The following LUZP2 variants were observed in gnomAD, a reference collection of about 807,000 sequenced individuals.
LUZP2 encodes leucine zipper protein 2.
A neutral mutation model predicts 51.6 loss-of-function variants in LUZP2; 52 were observed. The observed-to-expected ratio is 1.01, with a 90% CI of 0.81 to 1.27. The LOEUF (loss-of-function observed/expected upper bound fraction) is 1.27, where lower values mean the gene tolerates loss of function less well. Among genes scored for constraint, LUZP2 ranks in the 50% most tolerant of loss-of-function variants. The pLI is 0.00. For missense variants in LUZP2, 436 were observed against 395.4 expected, an observed-to-expected ratio of 1.10 and a Z score of -0.87; for synonymous variants, 154 against 137.3, an observed-to-expected ratio of 1.12 and a Z score of -0.85.
At chr11:24,918,945 T>C (rs1590729105) in intron 7 of LUZP2, among the ~76,000 whole-genome samples, 2 of 146,232 alleles carry the variant, frequency 1.4e-5, no homozygotes, top group East Asian at 2.0e-4. Flanking sequence ...ATATATACTA[T>C]ATATCCATAA....
At chr11:24,650,511 G>C (rs959256418) in intron 1 of LUZP2, among the ~76,000 whole-genome samples, 1 of 151,946 alleles carries the variant, frequency 6.6e-6, no homozygotes, top group Non-Finnish European at 1.5e-5. Context: ...ACAGTAATTG[G>C]AAGGAGATCT....
chr11:24,764,916 C>A (rs888016568), intron 5 of LUZP2, among the ~76,000 whole-genome samples: 1 of 152,082 alleles, frequency 6.6e-6, no homozygotes, highest in African/African-American at 2.4e-5. Context: ...AGTGAAATTG[C>A]ACTTTGATAA....
intron 5 of LUZP2, among the ~76,000 whole-genome samples, chr11:24,777,647 T>C (rs1314502611): frequency 1.3e-5 from 2 of 152,218 alleles, no homozygotes; most frequent in Non-Finnish European, 2.9e-5. Context: ...ATAAAATTTA[T>C]ACAATTTTTG....
At position 24,497,328 on chromosome 11, in the gene LUZP2, C is replaced by T. The variant is rs376788834; in HGVS notation, c.62+23C>T. The T allele has an allele frequency of 2.4e-3, 3,652 of 1,498,572 alleles. 17 individuals are homozygous for T. Among genetic ancestry groups the T allele is most frequent in the Non-Finnish European group, 2.6e-3 (2,853 of 1,115,010 alleles). 92.8% of individuals were successfully genotyped at this position (1,498,572 alleles called of 1,614,324 possible). On this transcript the variant is annotated intron_variant, in intron 1 of 11. Transcript: ENST00000336930. ...CAGGTGAGTCCAGGAGCGTGAGTGA[C>T]CTGAGGCCAGGGGCGCTGCCGGGGC... is the stretch of plus-strand genomic sequence containing the variant.
At chr11:24,757,704 TGAATAA>T (rs1456684072) in intron 4 of LUZP2, among the ~76,000 whole-genome samples, 3 of 151,634 alleles carry the variant, frequency 2.0e-5, no homozygotes, top group African/African-American at 7.2e-5. Flanking sequence ...TGATAAAAAT[TGAATAA>T]GAATAAAAGA....
chr11:24,765,405 G>C (rs976070761), intron 5 of LUZP2, among the ~76,000 whole-genome samples: 2 of 152,120 alleles, frequency 1.3e-5, no homozygotes, highest in African/African-American at 4.8e-5. Flanking sequence ...AATTAGGGAA[G>C]TGCCAAAAGA....
chr11:24,898,685 A>G (rs924520173), intron 5 of LUZP2, among the ~76,000 whole-genome samples: 1 of 152,064 alleles, frequency 6.6e-6, no homozygotes, highest in Admixed American at 6.5e-5. Context: ...GCGCATATAC[A>G]TATAAAACGT....
At chr11:24,511,383 C>T (rs1029674741) in intron 1 of LUZP2, among the ~76,000 whole-genome samples, 4 of 151,260 alleles carry the variant, frequency 2.6e-5, no homozygotes, top group Admixed American at 6.6e-5. Context: ...TGGTGTCTGT[C>T]GCTACAATTT....
At chr11:24,738,127 T>G (rs548242188) in intron 3 of LUZP2, 94 bp from the exon 4 acceptor site, 1 of 808,698 alleles carries the variant, frequency 1.2e-6, no homozygotes, top group African/African-American at 1.7e-5. Context: ...ATGTCCTAAA[T>G]GTATACAGCA....
intron 1 of LUZP2, among the ~76,000 whole-genome samples, chr11:24,600,189 AC>A (rs1853577232): frequency 3.7e-5 from 5 of 135,036 alleles, no homozygotes; most frequent in African/African-American, 1.5e-4. Flanking sequence ...ACACACACAC[AC>A]ACACACACAC....
At chr11:25,005,997 T>C (rs1856824618) in intron 9 of LUZP2, among the ~76,000 whole-genome samples, 2 of 152,134 alleles carry the variant, frequency 1.3e-5, no homozygotes, top group African/African-American at 4.8e-5. Flanking sequence ...GTTGGAAGAT[T>C]GATGCCTTAT....
Position 24,800,750 on chromosome 11 carries a change from GC to G in LUZP2, c.396+37446del, listed in dbSNP as rs546364254. On this transcript the variant is annotated intron_variant, in intron 5 of 11. Coordinates refer to ENST00000336930, the MANE Select transcript of LUZP2 (RefSeq NM_001009909.4). The stretch of plus-strand genomic sequence containing the variant: ...AAAAATCATGTAAATTTTACTATAA[GC>G]CCCAGGTTGAAAGTTAAGAAAACAT... Among the ~76,000 whole-genome samples, 127 of 152,042 alleles carry G rather than the reference GC, an allele frequency of 8.4e-4. 1 individual carries two copies. Among genetic ancestry groups the G allele is most frequent in the African/African-American group, 2.9e-3 (120 of 41,492 alleles).
At chr11:24,794,258 A>G (rs1849487943) in intron 5 of LUZP2, among the ~76,000 whole-genome samples, 2 of 152,142 alleles carry the variant, frequency 1.3e-5, no homozygotes, top group Admixed American at 6.6e-5. Flanking sequence ...AATACTCCAC[A>G]TATTCTACTG....
intron 4 of LUZP2, among the ~76,000 whole-genome samples, chr11:24,744,002 T>C (rs2631424): frequency 0.46 from 69,854 of 151,892 alleles, 16,974 homozygotes; most frequent in African/African-American, 0.61. Context: ...ATTCTGTTTA[T>C]GTGGTGTATC....
intron 9 of LUZP2, among the ~76,000 whole-genome samples, chr11:24,985,509 C>A (rs2133918375): frequency 6.6e-6 from 1 of 151,742 alleles, no homozygotes; most frequent in South Asian, 2.1e-4. Flanking sequence ...ACAAATAAAC[C>A]ATGTGACAAT....
intron 4 of LUZP2, among the ~76,000 whole-genome samples, chr11:24,740,804 T>C (rs2133987700): frequency 6.6e-6 from 1 of 152,234 alleles, no homozygotes; most frequent in African/African-American, 2.4e-5. Flanking sequence ...AAGCAAGTCA[T>C]TTGATTTCTC....
At chr11:24,912,909 A>T (rs572987980) in intron 6 of LUZP2, among the ~76,000 whole-genome samples, 4 of 152,190 alleles carry the variant, frequency 2.6e-5, no homozygotes, top group Admixed American at 6.5e-5. Context: ...TTGGAAAATT[A>T]TATTTCTACC....
chr11:24,555,836 G>A (rs1449601768), intron 1 of LUZP2, among the ~76,000 whole-genome samples: 1 of 152,062 alleles, frequency 6.6e-6, no homozygotes, highest in African/African-American at 2.4e-5. Flanking sequence ...AAAATTAGCT[G>A]GGCATAATGG....
At chr11:24,613,616 T>A (rs982035) in intron 1 of LUZP2, among the ~76,000 whole-genome samples, 53,013 of 151,400 alleles carry the variant, frequency 0.35, 9,339 homozygotes, top group Middle Eastern at 0.43. Context: ...GAAGCAACAA[T>A]AGATTAGAAT....
Sources: gnomAD v4.1 joint callset for allele counts (sites outside exome capture counted in the v4.1 genomes callset) on GRCh38, gnomAD v4.1.1 for gene constraint, MANE v1.5 for transcripts, NCBI Gene and HGNC (gene_info 2026-07-23, HGNC 2026-07-21) for gene names.